Variants in GUCY1A2 observed in about 807,000 individuals in gnomAD.
GUCY1A2 encodes guanylate cyclase 1 soluble subunit alpha 2, also known as guanylate cyclase soluble subunit alpha-2.
Under a neutral mutation model 63.5 loss-of-function variants are expected in GUCY1A2, and 27 were observed. That is an observed-to-expected ratio of 0.43 (90% CI 0.31 to 0.59). The LOEUF (loss-of-function observed/expected upper bound fraction) is 0.59, where lower values mean the gene tolerates loss of function less well. GUCY1A2 is among the 20% of genes least tolerant of loss of function. The pLI is 0.11. For missense variants in GUCY1A2, 768 were observed against 913.3 expected, an observed-to-expected ratio of 0.84 and a Z score of 2.05; for synonymous variants, 364 against 343.5, an observed-to-expected ratio of 1.06 and a Z score of -0.66.
At chr11:106,705,321 A>ACTAT (rs528888529) in intron 7 of GUCY1A2, among the ~76,000 whole-genome samples, 408 of 152,290 alleles carry the variant, frequency 2.7e-3, no homozygotes, top group African/African-American at 9.5e-3. Flanking sequence ...TAAACTGATT[A>ACTAT]CTATCTCAGC....
chr11:106,840,681 T>C (rs931210029), intron 4 of GUCY1A2, among the ~76,000 whole-genome samples: 7 of 151,960 alleles, frequency 4.6e-5, no homozygotes, highest in East Asian at 1.9e-4. Context: ...TTTTGTATTC[T>C]ACTTTTGGCA....
intron 4 of GUCY1A2, among the ~76,000 whole-genome samples, chr11:106,869,863 CCAA>C (rs1859649915): frequency 6.6e-6 from 1 of 152,018 alleles, no homozygotes. Flanking sequence ...ACCCAAATGT[CCAA>C]CAATGATAGA....
At chr11:106,898,066 C>G (rs1009669566) in intron 4 of GUCY1A2, among the ~76,000 whole-genome samples, 13 of 152,060 alleles carry the variant, frequency 8.5e-5, no homozygotes, top group African/African-American at 3.1e-4. Context: ...AAAGAAGATA[C>G]ACAGATGTCA....
At chr11:106,715,655 G>A (rs950833739) in intron 6 of GUCY1A2, among the ~76,000 whole-genome samples, 7 of 152,104 alleles carry the variant, frequency 4.6e-5, no homozygotes, top group African/African-American at 1.7e-4. Flanking sequence ...CCATCTTACT[G>A]TTCATGCTTT....
At chr11:106,847,278 A>G (rs1467563903) in intron 4 of GUCY1A2, among the ~76,000 whole-genome samples, 1 of 143,032 alleles carries the variant, frequency 7.0e-6, no homozygotes, top group Non-Finnish European at 1.6e-5. Flanking sequence ...GGTTTTTATA[A>G]GGATTGTTTC....
At chr11:106,926,029 G>C (rs555701434) in intron 4 of GUCY1A2, among the ~76,000 whole-genome samples, 2 of 152,316 alleles carry the variant, frequency 1.3e-5, no homozygotes, top group South Asian at 4.1e-4. Context: ...AAAGTAAATA[G>C]AGTGTAAGTA....
rs1008849817 is a variant in GUCY1A2 at position 106,835,568 on chromosome 11, C to T, written c.1207-25090G>A. Among the ~76,000 whole-genome samples the T allele has an allele frequency of 2.6e-5, 4 of 151,330 alleles. No homozygotes were observed. In the East Asian group the frequency reaches 5.8e-4, roughly 22 times the overall value. On this transcript the variant is annotated intron_variant, in intron 4 of 7. Transcript: ENST00000526355. Reference sequence around the variant, plus strand: ...TGAAGTAATGAAAAATATGAACTCACGATATCAAGCACAGCATCCACCAAG... The same window carrying T: ...TGAAGTAATGAAAAATATGAACTCATGATATCAAGCACAGCATCCACCAAG...
At chr11:106,725,149 A>ATTT (rs1863383236) in intron 6 of GUCY1A2, among the ~76,000 whole-genome samples, 1 of 59,838 alleles carries the variant, frequency 1.7e-5, no homozygotes, top group African/African-American at 7.4e-5. Flanking sequence ...ATTGACATAA[A>ATTT]TTCTTTTTTT....
At chr11:106,709,389 T>G (rs867407338) in intron 6 of GUCY1A2, among the ~76,000 whole-genome samples, 1 of 93,866 alleles carries the variant, frequency 1.1e-5, no homozygotes, top group East Asian at 2.6e-4. Flanking sequence ...ATATTATATA[T>G]TATATAAATT....
chr11:106,888,065 G>C (rs1859922236), intron 4 of GUCY1A2, among the ~76,000 whole-genome samples: 1 of 152,108 alleles, frequency 6.6e-6, no homozygotes, highest in Non-Finnish European at 1.5e-5. Flanking sequence ...TCTGAAGAGT[G>C]GGGGTTGGGG....
At chr11:106,965,139 AT>A (rs1861111424) in intron 3 of GUCY1A2, among the ~76,000 whole-genome samples, 2 of 151,972 alleles carry the variant, frequency 1.3e-5, no homozygotes, top group African/African-American at 4.8e-5. Flanking sequence ...ATTACCACTT[AT>A]TTTTGGAAAC....
intron 7 of GUCY1A2, among the ~76,000 whole-genome samples, chr11:106,696,071 T>C (rs571329593): frequency 2.2e-4 from 34 of 152,148 alleles, no homozygotes; most frequent in Non-Finnish European, 1.8e-4. Context: ...TCTGCATACC[T>C]GATACCTGCT....
chr11:106,725,152 C>CTTTT lies in GUCY1A2; in HGVS notation c.1837-16490_1837-16487dup, dbSNP rs773251118. On this transcript the variant is annotated intron_variant, in intron 6 of 7. Transcript: ENST00000526355. ...ATGTATCTTCTTATTGACATAAATT[C>CTTTT]TTTTTTTTTTTTTTTTTTTTTTTTT... is the stretch of plus-strand genomic sequence containing the variant. 3.0e-3 allele frequency among the ~76,000 whole-genome samples: 69 copies of CTTTT among 22,988 alleles called. 33 individuals are homozygous for CTTTT. The highest frequency in any genetic ancestry group is 0.013 in the East Asian group (9 of 686). The allele number at this position is 22,988 out of a possible 152,430, so 15.1% of individuals were successfully genotyped here.
intron 4 of GUCY1A2, among the ~76,000 whole-genome samples, chr11:106,915,218 T>A (rs1860354454): frequency 6.6e-6 from 1 of 152,164 alleles, no homozygotes; most frequent in Non-Finnish European, 1.5e-5. Context: ...TTCCTTGTTC[T>A]TAACTGACTT....
intron 6 of GUCY1A2, among the ~76,000 whole-genome samples, chr11:106,709,841 A>C (rs373334100): frequency 7.2e-4 from 90 of 124,958 alleles, no homozygotes; most frequent in African/African-American, 2.4e-3. Flanking sequence ...CACGTATAGA[A>C]TATATAGTTA....
chr11:106,956,558 T>C (rs536418686), intron 3 of GUCY1A2, among the ~76,000 whole-genome samples: 1 of 152,160 alleles, frequency 6.6e-6, no homozygotes, highest in East Asian at 2.0e-4. Flanking sequence ...CTGCTGCAGT[T>C]TGCTAGGGGT....
At chr11:106,690,359 A>G (rs972630368) in intron 7 of GUCY1A2, among the ~76,000 whole-genome samples, 1 of 152,180 alleles carries the variant, frequency 6.6e-6, no homozygotes, top group African/African-American at 2.4e-5. Flanking sequence ...GAATGAGATC[A>G]TGTCATTTCC....
intron 4 of GUCY1A2, among the ~76,000 whole-genome samples, chr11:106,839,574 G>T (rs1276391987): frequency 6.6e-6 from 1 of 151,844 alleles, no homozygotes; most frequent in Non-Finnish European, 1.5e-5. Flanking sequence ...GTTTATTGCG[G>T]CACTACTCAC....
At chr11:106,949,276 G>T (rs1860872465) in intron 3 of GUCY1A2, among the ~76,000 whole-genome samples, 1 of 151,998 alleles carries the variant, frequency 6.6e-6, no homozygotes, top group South Asian at 2.1e-4. Flanking sequence ...TCCAAAATCA[G>T]CAAGGCTTAG....
Sources: gnomAD v4.1 joint callset for allele counts (sites outside exome capture counted in the v4.1 genomes callset) on GRCh38, gnomAD v4.1.1 for gene constraint, MANE v1.5 for transcripts, NCBI Gene and HGNC (gene_info 2026-07-23, HGNC 2026-07-21) for gene names.